F10: variants seen among roughly 807,000 people sequenced by gnomAD.
F10 encodes the protein coagulation factor X.
Under a neutral mutation model 37.1 loss-of-function variants are expected in F10, and 29 were observed. The observed-to-expected ratio is 0.78, with a 90% CI of 0.58 to 1.07. The LOEUF (loss-of-function observed/expected upper bound fraction) is 1.07. F10 is among the 50% of genes least tolerant of loss of function. The pLI, the probability that F10 is intolerant of heterozygous loss-of-function variation, is 0.00. For synonymous variants in F10, 262 were observed against 268.6 expected (o/e 0.98, Z 0.24); for missense variants, 539 against 667.9 (o/e 0.81, Z 2.13).
At chr13:113,142,773 AT>A (rs201031235) in intron 5 of F10, among the ~76,000 whole-genome samples, 1 of 127,582 alleles carries the variant, frequency 7.8e-6, no homozygotes, top group Non-Finnish European at 1.8e-5. Context: ...AAAAAAAAAA[AT>A]ACAAAAACTT....
Position 113,144,037 on chromosome 13 carries a change from A to G in F10, c.689A>G (p.Asn230Ser), listed in dbSNP as rs888321837. 5 of 1,613,690 alleles carry G rather than the reference A, an allele frequency of 3.1e-6. No homozygotes were observed. The highest frequency in any genetic ancestry group is 4.2e-6 in the Non-Finnish European group (5 of 1,180,004). ...CAGACGCAGCCTGAGAGGGGCGACA[A>G]CAACCTCACCAGGATCGTGGGAGGC... ...FNQTQPERGDNNLTRIVGGQE... is the reference protein window; with the variant it reads ...FNQTQPERGDSNLTRIVGGQE... The change falls in exon 6 of 8, where the codon AAC becomes AGC. Residue 230 changes from asparagine to serine, a missense_variant. By Grantham distance (46) the Asn-to-Ser change is conservative (BLOSUM62 1). This residue lies in a region of F10 where 409 missense variants were observed against 547.9 expected (regional missense o/e 0.75). Coordinates refer to ENST00000375559, the MANE Select transcript of F10 (RefSeq NM_000504.4). The surrounding 1 kb of genome is among the most constrained non-coding windows in gnomAD (Gnocchi z 6.4).
At position 113,129,624 on chromosome 13, in the gene F10, G is replaced by GGATA; in HGVS notation, c.231+14_231+17dup. On this transcript the variant is annotated intron_variant, in intron 2 of 7. Transcript: ENST00000375559. ...ACAGCGACAAGACGGTAAGGGCTGG[G>GGATA]GATAGCCTGGCTGTTGGTAAGGAGC... 6.2e-7 allele frequency: 1 copy of GGATA among 1,613,966 alleles called. No homozygotes were observed. Among genetic ancestry groups the GGATA allele is most frequent in the Non-Finnish European group, 8.5e-7 (1 of 1,179,970 alleles).
At chr13:113,145,175 C>G (rs577114625) in intron 6 of F10, among the ~76,000 whole-genome samples, 5 of 152,136 alleles carry the variant, frequency 3.3e-5, no homozygotes, top group Admixed American at 6.5e-5. Flanking sequence ...ACAATGTGCC[C>G]GGCCATGCCT....
chr13:113,149,476 A>C lies in F10; in HGVS notation c.1426A>C (p.Ser476Arg). The C allele has an allele frequency of 6.2e-7, 1 of 1,613,320 alleles. No homozygotes were observed. The highest frequency in any genetic ancestry group is 8.5e-7 in the Non-Finnish European group (1 of 1,180,026). ...AACCAGGGGCTTGCCCAAGGCCAAGAGCCATGCCCCGGAGGTCATAACGTC... is the reference window on the plus strand; with the variant it reads ...AACCAGGGGCTTGCCCAAGGCCAAGCGCCATGCCCCGGAGGTCATAACGTC... ...MKTRGLPKAK[S>R]HAPEVITSSP... Residue 476 changes from serine (S) to arginine (R), a missense_variant, in exon 8 of 8, where the codon AGC (serine) becomes CGC (arginine). Physicochemically the swap from Ser to Arg is moderately radical, Grantham distance 110. Around this residue, in one of 2 missense-constraint regions of F10, gnomAD observed 409 missense variants for 547.9 expected, o/e 0.75. Transcript: ENST00000375559. The surrounding 1 kb of genome is among the most constrained non-coding windows in gnomAD (Gnocchi z 7.5).
intron 1 of F10, 107 bp from the exon 2 acceptor site, chr13:113,129,345 T>G (rs2036402589): frequency 7.0e-7 from 1 of 1,428,790 alleles, no homozygotes; most frequent in East Asian, 2.3e-5. Flanking sequence ...TGATCCGCCT[T>G]TTGTGATCTG....
intron 1 of F10, chr13:113,128,886 GAA>G (rs778396585): frequency 0.059 from 2,614 of 44,536 alleles, 42 homozygotes; most frequent in South Asian, 0.16. Context: ...ATCTTAAAGA[GAA>G]AAAAAAAAAA....
chr13:113,139,063 T>C lies in F10; in HGVS notation c.257-294T>C, dbSNP rs542598783. Among the ~76,000 whole-genome samples the C allele has an allele frequency of 2.0e-5, 3 of 152,350 alleles. No individual in the cohort carries two copies. The South Asian group carries it at 6.2e-4, about 32-fold the overall frequency. On this transcript the variant is annotated intron_variant, in intron 3 of 7. Transcript: ENST00000375559. This position sits in a 1 kb window ranked among gnomAD's most constrained non-coding sequence, Gnocchi z 5.2. Reference sequence around the variant, plus strand: ...AGAAATGAGCATCAGGCTCTCACCTTTCCTCCATCCTTCCAGTTGGTCCCT... The same window carrying C: ...AGAAATGAGCATCAGGCTCTCACCTCTCCTCCATCCTTCCAGTTGGTCCCT...
rs773430327 is a variant in F10, at chr13:113,149,491, G to T, written c.1441G>T (p.Val481Phe). 1 of 1,613,200 alleles carries T rather than the reference G, an allele frequency of 6.2e-7. No homozygotes were observed. Among genetic ancestry groups the T allele is most frequent in the South Asian group, 1.1e-5 (1 of 91,090 alleles). The change falls in exon 8 of 8, where the codon GTC (valine) becomes TTC (phenylalanine). Residue 481 changes from valine to phenylalanine, a missense_variant. Transcript: ENST00000375559. This position sits in a 1 kb window ranked among gnomAD's most constrained non-coding sequence, Gnocchi z 7.5. ...LPKAKSHAPE[V>F]ITSSPLK ...CAAGGCCAAGAGCCATGCCCCGGAG[G>T]TCATAACGTCCTCTCCATTAAAGTG...
chr13:113,128,885 A>AC (rs1667365644), intron 1 of F10: 1 of 139,552 alleles, frequency 7.2e-6, no homozygotes, highest in African/African-American at 2.9e-5. Context: ...CATCTTAAAG[A>AC]GAAAAAAAAA....
In F10 at chr13:113,141,282, C is replaced by T. The variant is rs1236297461; in HGVS notation, c.502+232C>T. ...TCTGTAAGCCAGATCTGCTGTTTAACCTCAGCTTCCCCATCTGACAAATGG... is the reference window on the plus strand; with the variant it reads ...TCTGTAAGCCAGATCTGCTGTTTAATCTCAGCTTCCCCATCTGACAAATGG... On this transcript the variant is annotated intron_variant, in intron 5 of 7. Coordinates refer to ENST00000375559, the MANE Select transcript of F10 (RefSeq NM_000504.4). The surrounding 1 kb of genome is among the most constrained non-coding windows in gnomAD (Gnocchi z 5.4). Among the ~76,000 whole-genome samples the T allele has an allele frequency of 6.6e-6, 1 of 152,224 alleles. No individual in the cohort carries two copies. Among genetic ancestry groups the T allele is most frequent in the African/African-American group, 2.4e-5 (1 of 41,460 alleles).
chr13:113,146,735 A>C lies in F10; in HGVS notation c.748-644A>C, dbSNP rs541738881. ...TGGTCTGTACATGTGCCCAGCCACT[A>C]TCACAGGACGGGAAACTCCCCAGAG... On this transcript the variant is annotated intron_variant, in intron 6 of 7. Transcript: ENST00000375559. This position sits in a 1 kb window ranked among gnomAD's most constrained non-coding sequence, Gnocchi z 4.5. Among the ~76,000 whole-genome samples the C allele has an allele frequency of 1.3e-5, 2 of 152,342 alleles. No individual in the cohort carries two copies. The highest frequency in any genetic ancestry group is 3.9e-4 in the East Asian group (2 of 5,188).
At chr13:113,147,294 C>A (rs1168771501) in intron 6 of F10, 85 bp from the exon 7 acceptor site, 3 of 883,102 alleles carry the variant, frequency 3.4e-6, no homozygotes, top group African/African-American at 1.6e-5. Flanking sequence ...GAGGGCCGGG[C>A]AGTGCCACCT....
chr13:113,143,703 G>GAT lies in F10; in HGVS notation c.503-148_503-147insAT. 19 of 1,188,310 alleles carry GAT rather than the reference G, an allele frequency of 1.6e-5. No homozygotes were observed. The highest frequency in any genetic ancestry group is 1.1e-4 in the South Asian group (7 of 62,622). 73.6% of individuals were successfully genotyped at this position (1,188,310 alleles called of 1,614,324 possible). A position where few individuals can be genotyped will look rare whatever the true frequency, so the allele number is the denominator to read the frequency against. On this transcript the variant is annotated intron_variant, in intron 5 of 7. Coordinates refer to ENST00000375559, the MANE Select transcript of F10 (RefSeq NM_000504.4). This position sits in a 1 kb window ranked among gnomAD's most constrained non-coding sequence, Gnocchi z 6.8. ...CAGATCCGACCCCTGCCGACGACGT[G>GAT]GGGCCTCGCCCTGCAAGCCCGCTGC...
At chr13:113,125,608 T>G (rs751505754) in intron 1 of F10, among the ~76,000 whole-genome samples, 6 of 152,250 alleles carry the variant, frequency 3.9e-5, no homozygotes, top group African/African-American at 9.6e-5. Flanking sequence ...AAATCCCATT[T>G]TACTCACATC....
rs1029436040 is a variant in F10, at chr13:113,144,931, T to C, written c.747+836T>C. On this transcript the variant is annotated intron_variant, in intron 6 of 7. Transcript: ENST00000375559. This position sits in a 1 kb window ranked among gnomAD's most constrained non-coding sequence, Gnocchi z 6.4. ...TCTCACTCTGTCGCCCAGGCTGGAG[T>C]GCAGTGGCGCGATCTCGGCTCACTG... 2.0e-5 allele frequency among the ~76,000 whole-genome samples: 3 copies of C among 151,168 alleles called. No individual in the cohort carries two copies. The highest frequency in any genetic ancestry group is 4.4e-5 in the Non-Finnish European group (3 of 67,904).
chr13:113,137,198 A>T (rs1256422852), intron 2 of F10, among the ~76,000 whole-genome samples: 2 of 152,284 alleles, frequency 1.3e-5, no homozygotes, highest in Non-Finnish European at 2.9e-5. Flanking sequence ...TATTGATACA[A>T]CTTGCATGAA....
chr13:113,127,864 G>A (rs548634286), intron 1 of F10, among the ~76,000 whole-genome samples: 37 of 152,184 alleles, frequency 2.4e-4, no homozygotes, highest in Non-Finnish European at 4.4e-4. Flanking sequence ...GGCTGAAGGG[G>A]CACAGCTTGA....
intron 6 of F10, 131 bp from the exon 7 acceptor site, chr13:113,147,248 G>A: frequency 2.8e-6 from 2 of 717,068 alleles, no homozygotes; most frequent in Non-Finnish European, 5.1e-6. Context: ...TCCTTGGGTG[G>A]ATGGCAGGAG....
chr13:113,142,282 C>T (rs1323248984), intron 5 of F10, among the ~76,000 whole-genome samples: 2 of 152,090 alleles, frequency 1.3e-5, no homozygotes, highest in Non-Finnish European at 2.9e-5. Flanking sequence ...TAGCTCATGC[C>T]TGTAATCCCA....
Sources: gnomAD v4.1 joint callset for allele counts (sites outside exome capture counted in the v4.1 genomes callset) on GRCh38, gnomAD v4.1.1 for gene constraint, gnomAD v4.1.1 regional missense constraint, Gnocchi (gnomAD v3.1) non-coding constraint, MANE v1.5 for transcripts, NCBI Gene and HGNC (gene_info 2026-07-23, HGNC 2026-07-21) for gene names.